NPAS2: variants seen among roughly 807,000 people sequenced by gnomAD.
The protein encoded by NPAS2 is neuronal PAS domain-containing protein 2.
NPAS2 carries 23 observed loss-of-function variants against 107.5 expected under a neutral mutation model. The ratio of observed to expected loss-of-function variants is 0.21; its 90% confidence interval spans 0.15 to 0.30. The LOEUF (loss-of-function observed/expected upper bound fraction) is 0.30, where lower values mean the gene tolerates loss of function less well. NPAS2 is among the 10% of genes least tolerant of loss of function. The pLI is 1.00. For missense variants in NPAS2, 756 were observed against 1,043.3 expected, an observed-to-expected ratio of 0.72 and a Z score of 3.79; for synonymous variants, 403 against 417.5, an observed-to-expected ratio of 0.97 and a Z score of 0.42.
intron 5 of NPAS2, among the ~76,000 whole-genome samples, chr2:100,938,541 T>TC (rs1684480944): frequency 2.1e-5 from 1 of 48,128 alleles, no homozygotes; most frequent in Non-Finnish European, 3.9e-5. Flanking sequence ...TCTTATTCCC[T>TC]CCTCCCTCCC....
chr2:100,916,219 T>G (rs1046456185), intron 2 of NPAS2, among the ~76,000 whole-genome samples: 1 of 151,976 alleles, frequency 6.6e-6, no homozygotes, highest in African/African-American at 2.4e-5. Flanking sequence ...AGAAAGCATG[T>G]TAAAATAGAA....
chr2:100,890,975 G>A (rs564671479), intron 1 of NPAS2, among the ~76,000 whole-genome samples: 1 of 152,206 alleles, frequency 6.6e-6, no homozygotes, highest in East Asian at 2.0e-4. Context: ...GCTCACGCCT[G>A]TAATCCCAGC....
chr2:100,854,121 G>C (rs1678402348), intron 1 of NPAS2, among the ~76,000 whole-genome samples: 1 of 129,260 alleles, frequency 7.7e-6, no homozygotes, highest in Non-Finnish European at 1.5e-5. Context: ...CTGCACTCCA[G>C]CCTCGACAAC....
At chr2:100,867,764 C>T (rs1293745966) in intron 1 of NPAS2, among the ~76,000 whole-genome samples, 1 of 152,172 alleles carries the variant, frequency 6.6e-6, no homozygotes. Context: ...GTCTCACAAA[C>T]TCCTGGGCTC....
At chr2:100,912,313 C>A (rs17655180) in intron 2 of NPAS2, among the ~76,000 whole-genome samples, 3 of 151,516 alleles carry the variant, frequency 2.0e-5, no homozygotes, top group Non-Finnish European at 4.4e-5. Context: ...AGTGCTGCAC[C>A]CTTTTCAGTT....
chr2:100,854,512 C>G (rs1678432018), intron 1 of NPAS2, among the ~76,000 whole-genome samples: 1 of 152,172 alleles, frequency 6.6e-6, no homozygotes. Context: ...AGACTCTACC[C>G]CAGCAACCCC....
intron 1 of NPAS2, among the ~76,000 whole-genome samples, chr2:100,865,578 A>G (rs1160411387): frequency 2.6e-5 from 4 of 152,180 alleles, no homozygotes; most frequent in South Asian, 2.1e-4. Context: ...CATGACTTCT[A>G]GTTAAAATAA....
At chr2:100,828,735 C>G (rs944044970) in intron 1 of NPAS2, among the ~76,000 whole-genome samples, 3 of 152,104 alleles carry the variant, frequency 2.0e-5, no homozygotes, top group African/African-American at 4.8e-5. Flanking sequence ...TGAGTCCTCT[C>G]TTCTATTCCA....
At chr2:100,850,371 G>T (rs1346861142) in intron 1 of NPAS2, among the ~76,000 whole-genome samples, 1 of 152,176 alleles carries the variant, frequency 6.6e-6, no homozygotes, top group Non-Finnish European at 1.5e-5. Context: ...CAAAGGTTGG[G>T]ATCCTTTCTC....
intron 1 of NPAS2, among the ~76,000 whole-genome samples, chr2:100,886,954 T>C (rs1369482): frequency 0.12 from 18,677 of 152,256 alleles, 1,679 homozygotes; most frequent in East Asian, 0.35. Context: ...AAATGTTGAT[T>C]GACAGAACCT....
intron 2 of NPAS2, among the ~76,000 whole-genome samples, chr2:100,911,730 C>T (rs924451213): frequency 1.3e-5 from 2 of 152,132 alleles, no homozygotes; most frequent in African/African-American, 4.8e-5. Flanking sequence ...CTCCCGGGTT[C>T]AAGCCATCCT....
At chr2:100,973,675 C>A (rs561391596) in intron 12 of NPAS2, among the ~76,000 whole-genome samples, 6 of 152,180 alleles carry the variant, frequency 3.9e-5, no homozygotes, top group Non-Finnish European at 7.3e-5. Context: ...CGCAGACGCA[C>A]GCATGGGATT....
At chr2:100,840,835 A>T (rs1007927780) in intron 1 of NPAS2, among the ~76,000 whole-genome samples, 39 of 151,862 alleles carry the variant, frequency 2.6e-4, no homozygotes, top group Non-Finnish European at 4.3e-4. Flanking sequence ...ATTTTTGTTT[A>T]AAAAAATGGA....
At chr2:100,888,269 G>A (rs1002636830) in intron 1 of NPAS2, among the ~76,000 whole-genome samples, 1 of 152,180 alleles carries the variant, frequency 6.6e-6, no homozygotes, top group African/African-American at 2.4e-5. Flanking sequence ...AGAGATGCCA[G>A]GAGGGTGGGA....
intron 5 of NPAS2, among the ~76,000 whole-genome samples, chr2:100,945,722 A>G (rs1405578854): frequency 1.3e-5 from 2 of 152,082 alleles, no homozygotes; most frequent in Non-Finnish European, 2.9e-5. Context: ...GCCTCTGTGC[A>G]TGCTGAGCCC....
At chr2:100,822,409 C>G (rs1204037683) in intron 1 of NPAS2, among the ~76,000 whole-genome samples, 2 of 152,166 alleles carry the variant, frequency 1.3e-5, no homozygotes, top group Admixed American at 6.5e-5. Flanking sequence ...TTTAATAATG[C>G]AAATGATGAA....
At chr2:100,992,258 T>C (rs1678177784) in intron 19 of NPAS2, among the ~76,000 whole-genome samples, 1 of 152,140 alleles carries the variant, frequency 6.6e-6, no homozygotes, top group Non-Finnish European at 1.5e-5. Flanking sequence ...CTACTAAAAA[T>C]ACAAAAATTA....
chr2:100,865,717 C>G (rs1400373005), intron 1 of NPAS2, among the ~76,000 whole-genome samples: 1 of 152,188 alleles, frequency 6.6e-6, no homozygotes, highest in African/African-American at 2.4e-5. Context: ...AATGCACATG[C>G]AGGAAGTCAT....
At chr2:100,875,137 T>C (rs545395001) in intron 1 of NPAS2, among the ~76,000 whole-genome samples, 3 of 152,196 alleles carry the variant, frequency 2.0e-5, no homozygotes, top group Non-Finnish European at 2.9e-5. Context: ...TGCTACAACA[T>C]GGATGAACCT....
Sources: gnomAD v4.1 joint callset for allele counts (sites outside exome capture counted in the v4.1 genomes callset) on GRCh38, gnomAD v4.1.1 for gene constraint, MANE v1.5 for transcripts, NCBI Gene and HGNC (gene_info 2026-07-23, HGNC 2026-07-21) for gene names.